The following SNTG1 variants were observed in gnomAD, a reference collection of about 807,000 sequenced individuals.
SNTG1 encodes gamma-1-syntrophin.
In SNTG1, 39 loss-of-function variants were observed where a neutral mutation model predicts 74.7. The ratio of observed to expected loss-of-function variants is 0.52; its 90% CI spans 0.40 to 0.68. The LOEUF (loss-of-function observed/expected upper bound fraction) is 0.68. Among genes scored for constraint, SNTG1 ranks in the 30% least tolerant of loss-of-function variants. SNTG1 has a pLI of 0.00. For synonymous variants in SNTG1, 254 were observed against 217.1 expected, an observed-to-expected ratio of 1.17 and a Z score of -1.49; for missense variants, 685 against 609.5, an observed-to-expected ratio of 1.12 and a Z score of -1.30.
chr8:50,063,193 A>G (rs1463423905), intron 1 of SNTG1, among the ~76,000 whole-genome samples: 1 of 152,236 alleles, frequency 6.6e-6, no homozygotes, highest in East Asian at 1.9e-4. Flanking sequence ...ATCCAATTTT[A>G]TTAGCAAAAT....
intron 1 of SNTG1, among the ~76,000 whole-genome samples, chr8:50,071,025 G>A (rs1821316903): frequency 6.6e-6 from 1 of 152,136 alleles, no homozygotes; most frequent in South Asian, 2.1e-4. Flanking sequence ...GCAGAAAGTG[G>A]AAACTATCCG....
intron 1 of SNTG1, among the ~76,000 whole-genome samples, chr8:50,158,422 T>G (rs1277471318): frequency 6.6e-6 from 1 of 152,002 alleles, no homozygotes; most frequent in Non-Finnish European, 1.5e-5. Context: ...CTGGGCAGAG[T>G]CCCCAGGGAT....
At chr8:50,152,631 G>T (rs967763414) in intron 1 of SNTG1, among the ~76,000 whole-genome samples, 1 of 152,126 alleles carries the variant, frequency 6.6e-6, no homozygotes, top group Non-Finnish European at 1.5e-5. Context: ...GCATTTGCTT[G>T]TCTGTAAAGG....
chr8:50,151,498 T>A (rs191638353), intron 1 of SNTG1, among the ~76,000 whole-genome samples: 2 of 152,184 alleles, frequency 1.3e-5, no homozygotes, highest in Admixed American at 1.3e-4. Context: ...TTAATTGTGA[T>A]GTTAGGGTGT....
At chr8:50,119,252 C>G (rs1420249669) in intron 1 of SNTG1, among the ~76,000 whole-genome samples, 1 of 141,196 alleles carries the variant, frequency 7.1e-6, no homozygotes, top group African/African-American at 2.6e-5. Context: ...ATCACTGCCA[C>G]CACAGAGAGA....
chr8:50,752,836 CCTT>C lies in SNTG1; in HGVS notation c.1395+729_1395+731del, dbSNP rs377241741. Among the ~76,000 whole-genome samples, 77 of 152,104 alleles carry C rather than the reference CCTT, an allele frequency of 5.1e-4. No individual in the cohort carries two copies. In the East Asian group the frequency reaches 0.013, roughly 25 times the overall value. ...GCTCTATGTTTAGATTAGACACTCT[CCTT>C]CTTTTAACAAGGTGACTCCTTGTAG... On this transcript the variant is annotated intron_variant, in intron 18 of 18. Coordinates refer to ENST00000642720, the MANE Select transcript of SNTG1 (RefSeq NM_018967.5).
intron 1 of SNTG1, among the ~76,000 whole-genome samples, chr8:50,001,063 A>T (rs1321555302): frequency 6.6e-6 from 1 of 152,222 alleles, no homozygotes; most frequent in Non-Finnish European, 1.5e-5. Flanking sequence ...GCATTAGGGA[A>T]AAGAGTCCAG....
At chr8:50,249,971 T>C (rs961242145) in intron 2 of SNTG1, among the ~76,000 whole-genome samples, 2 of 151,836 alleles carry the variant, frequency 1.3e-5, no homozygotes, top group Non-Finnish European at 2.9e-5. Context: ...CAACAGATCA[T>C]AAATGAAAGG....
chr8:49,925,368 C>A (rs1429035453), intron 1 of SNTG1, among the ~76,000 whole-genome samples: 1 of 152,098 alleles, frequency 6.6e-6, no homozygotes, highest in African/African-American at 2.4e-5. Flanking sequence ...TGATATTATA[C>A]AGTATTGACA....
chr8:50,789,625 T>C (rs1292237825), intron 18 of SNTG1, among the ~76,000 whole-genome samples: 1 of 152,002 alleles, frequency 6.6e-6, no homozygotes, highest in Non-Finnish European at 1.5e-5. Flanking sequence ...CCATAATTTC[T>C]CCATTTGCAG....
chr8:50,654,985 CAT>C (rs2095171210), intron 13 of SNTG1, among the ~76,000 whole-genome samples: 1 of 152,190 alleles, frequency 6.6e-6, no homozygotes, highest in South Asian at 2.1e-4. Flanking sequence ...CTGATTCTCT[CAT>C]GTGACATTTC....
In SNTG1 at chr8:50,329,679, C is replaced by T. The variant is rs1248710105; in HGVS notation, c.-27-64533C>T. ...CATTTTTCCTCCTAGACTTCCATGCCTGCAATGTGAGAGGCTGCCACCAAG... is the reference window on the plus strand; with the variant it reads ...CATTTTTCCTCCTAGACTTCCATGCTTGCAATGTGAGAGGCTGCCACCAAG... On this transcript the variant is annotated intron_variant, in intron 2 of 18. Transcript: ENST00000642720. Among the ~76,000 whole-genome samples the T allele has an allele frequency of 2.6e-5, 4 of 152,034 alleles. No homozygotes were observed. The East Asian group carries it at 7.7e-4, about 29-fold the overall frequency.
intron 2 of SNTG1, among the ~76,000 whole-genome samples, chr8:50,300,640 A>T (rs1044296593): frequency 2.0e-5 from 3 of 152,218 alleles, no homozygotes; most frequent in East Asian, 1.9e-4. Flanking sequence ...GAGACTGATT[A>T]AAAAAATTCT....
intron 10 of SNTG1, among the ~76,000 whole-genome samples, chr8:50,535,913 A>G (rs1372650298): frequency 1.3e-5 from 2 of 152,208 alleles, no homozygotes; most frequent in Non-Finnish European, 2.9e-5. Context: ...AAATATTAAT[A>G]TTATTTGATG....
At chr8:49,918,122 A>G (rs1271082564) in intron 1 of SNTG1, among the ~76,000 whole-genome samples, 1 of 152,170 alleles carries the variant, frequency 6.6e-6, no homozygotes, top group East Asian at 1.9e-4. Flanking sequence ...TTATCTAGAA[A>G]TGAGACAATG....
intron 1 of SNTG1, among the ~76,000 whole-genome samples, chr8:50,155,888 G>T (rs1408546472): frequency 6.6e-6 from 1 of 151,756 alleles, no homozygotes; most frequent in Non-Finnish European, 1.5e-5. Context: ...TACATCTCTA[G>T]TTAGAATTGT....
intron 15 of SNTG1, among the ~76,000 whole-genome samples, chr8:50,667,957 A>G (rs1363198907): frequency 6.6e-6 from 1 of 151,916 alleles, no homozygotes; most frequent in Non-Finnish European, 1.5e-5. Context: ...GGTGATTTTT[A>G]AAAAACGTTA....
chr8:50,308,367 G>A (rs1302027418), intron 2 of SNTG1, among the ~76,000 whole-genome samples: 1 of 151,928 alleles, frequency 6.6e-6, no homozygotes, highest in Non-Finnish European at 1.5e-5. Flanking sequence ...CCTCCACTCA[G>A]ACGCTAATGC....
chr8:50,501,619 T>A (rs139530405), intron 8 of SNTG1, among the ~76,000 whole-genome samples: 28,566 of 146,570 alleles, frequency 0.19, 5,923 homozygotes, highest in African/African-American at 0.53. Flanking sequence ...TTATTTTTTT[T>A]TTTTTTTTTT....
Sources: allele counts gnomAD v4.1 joint callset (sites outside exome capture counted in the v4.1 genomes callset), GRCh38; gene constraint gnomAD v4.1.1; transcripts MANE v1.5; gene names NCBI Gene and HGNC (gene_info 2026-07-23, HGNC 2026-07-21).